Variants in PTPN11 observed in about 807,000 individuals in gnomAD.
PTPN11 encodes protein tyrosine phosphatase non-receptor type 11.
In PTPN11, 6 loss-of-function variants were observed where a neutral mutation model predicts 78.8. The observed-to-expected ratio is 0.08, with a 90% CI of 0.04 to 0.15. PTPN11 has a LOEUF of 0.15. Ranked by LOEUF, PTPN11 falls within the 10% of genes least tolerant of loss-of-function variation. The pLI is 1.00. For synonymous variants in PTPN11, 221 were observed against 263.5 expected (o/e 0.84, Z 1.56); for missense variants, 386 against 744.8 (o/e 0.52, Z 5.61).
At chr12:112,446,184 T>C in intron 1 of PTPN11, 92 bp from the exon 2 acceptor site, 4 of 1,533,272 alleles carry the variant, frequency 2.6e-6, no homozygotes, top group Non-Finnish European at 1.8e-6. Context: ...AATTTTCTAC[T>C]CTGCTCATAA....
chr12:112,424,919 G>GTGTGT (rs2037586046), intron 1 of PTPN11, among the ~76,000 whole-genome samples: 1 of 141,830 alleles, frequency 7.1e-6, no homozygotes, highest in Non-Finnish European at 1.5e-5. Flanking sequence ...GTGTGTGTGT[G>GTGTGT]CTGGGACTGC....
chr12:112,444,107 C>T (rs182375018), intron 1 of PTPN11, among the ~76,000 whole-genome samples: 1 of 152,224 alleles, frequency 6.6e-6, no homozygotes, highest in East Asian at 1.9e-4. Context: ...TAAGTTTCAA[C>T]CTCAGGGGAG....
intron 9 of PTPN11, among the ~76,000 whole-genome samples, chr12:112,481,395 G>C: frequency 6.6e-6 from 1 of 152,132 alleles, no homozygotes; most frequent in East Asian, 1.9e-4. Flanking sequence ...ACCAAGCACC[G>C]ACTCTCCTTT....
intron 1 of PTPN11, among the ~76,000 whole-genome samples, chr12:112,432,029 A>G (rs2037721189): frequency 1.3e-5 from 2 of 152,194 alleles, no homozygotes; most frequent in Non-Finnish European, 2.9e-5. Flanking sequence ...AAGAAAAAAA[A>G]TCTAATAGGA....
intron 4 of PTPN11, among the ~76,000 whole-genome samples, chr12:112,453,806 T>C (rs2038114043): frequency 6.6e-6 from 1 of 151,988 alleles, no homozygotes; most frequent in Non-Finnish European, 1.5e-5. Context: ...TGTGCCACCA[T>C]GCCCAGCTAG....
intron 9 of PTPN11, among the ~76,000 whole-genome samples, chr12:112,481,783 C>T (rs934733088): frequency 1.5e-4 from 23 of 152,048 alleles, no homozygotes; most frequent in African/African-American, 5.1e-4. Flanking sequence ...TGAGCCACTG[C>T]GCCCCAGCTG....
At chr12:112,484,332 A>G (rs1592851564) in intron 10 of PTPN11, among the ~76,000 whole-genome samples, 1 of 152,218 alleles carries the variant, frequency 6.6e-6, no homozygotes, top group Admixed American at 6.5e-5. Context: ...TTTTTCTCCA[A>G]GGACACTTGG....
intron 13 of PTPN11, among the ~76,000 whole-genome samples, chr12:112,500,429 G>A (rs540121272): frequency 4.1e-4 from 62 of 152,080 alleles, no homozygotes; most frequent in Non-Finnish European, 7.6e-4. Flanking sequence ...GAAAATGGCT[G>A]TTCAAAAAAT....
At chr12:112,445,360 G>T (rs1868506458) in intron 1 of PTPN11, among the ~76,000 whole-genome samples, 1 of 152,174 alleles carries the variant, frequency 6.6e-6, no homozygotes, top group Non-Finnish European at 1.5e-5. Context: ...TTGAACTCCT[G>T]ACGTCAAGTG....
At position 112,482,307 on chromosome 12, in the gene PTPN11, C is replaced by T. The variant is rs1417190693; in HGVS notation, c.1224+102C>T. Reference sequence around the variant, plus strand: ...ATGTTTGCATACATGCATGCATTCGCTCACTCATTGATTCAGTAGCCATTT... The same window carrying T: ...ATGTTTGCATACATGCATGCATTCGTTCACTCATTGATTCAGTAGCCATTT... On this transcript the variant is annotated intron_variant, in intron 10 of 15. Transcript: ENST00000351677. The surrounding 1 kb of genome is among the most constrained non-coding windows in gnomAD (Gnocchi z 4.4). The T allele has an allele frequency of 1.5e-6, 2 of 1,350,944 alleles. No individual in the cohort carries two copies. Among genetic ancestry groups the T allele is most frequent in the South Asian group, 1.2e-5 (1 of 84,232 alleles). The allele number at this position is 1,350,944 out of a possible 1,614,324, so 83.7% of individuals were successfully genotyped here. A position where few individuals can be genotyped will look rare whatever the true frequency, so the allele number is the denominator to read the frequency against.
At position 112,432,515 on chromosome 12, in the gene PTPN11, A is replaced by G. The variant is rs144715252; in HGVS notation, c.14+13390A>G. ...ACCCTGTCTCTGCTAAAAACATACA[A>G]ACAATTAGCCAGGCATGGTGGCGGG... On this transcript the variant is annotated intron_variant, in intron 1 of 15. Coordinates refer to ENST00000351677, the MANE Select transcript of PTPN11 (RefSeq NM_002834.5). Among the ~76,000 whole-genome samples, 283 of 151,996 alleles carry G rather than the reference A, an allele frequency of 1.9e-3. 2 individuals are homozygous for G. The highest frequency in any genetic ancestry group is 2.5e-3 in the South Asian group (12 of 4,790).
chr12:112,476,316 T>C (rs1475150625), intron 7 of PTPN11, among the ~76,000 whole-genome samples: 1 of 152,202 alleles, frequency 6.6e-6, no homozygotes, highest in South Asian at 2.1e-4. Context: ...AAAAAGACAT[T>C]ATTCTTTTAA....
chr12:112,426,220 G>A (rs1447547191), intron 1 of PTPN11, among the ~76,000 whole-genome samples: 2 of 152,074 alleles, frequency 1.3e-5, no homozygotes, highest in Non-Finnish European at 2.9e-5. Flanking sequence ...TTCAGATTTC[G>A]GGTGTGATTT....
At position 112,419,057 on chromosome 12, in the gene PTPN11, C is replaced by T; in HGVS notation, c.-55C>T. On this transcript the variant is annotated 5_prime_UTR_variant, in exon 1 of 16. Transcript: ENST00000351677. ...CGGGCCAGCCCGATGTGACCGAGCC[C>T]AGCGGAGCCTGAGCAAGGAGCGGGT... is the stretch of plus-strand genomic sequence containing the variant. The T allele has an allele frequency of 6.5e-7, 1 of 1,534,488 alleles. No homozygotes were observed. Among genetic ancestry groups the T allele is most frequent in the South Asian group, 1.2e-5 (1 of 83,104 alleles).
At position 112,428,872 on chromosome 12, in the gene PTPN11, C is replaced by T. The variant is rs536860774; in HGVS notation, c.14+9747C>T. The T allele has an allele frequency of 1.4e-3, 218 of 153,146 alleles. 2 individuals are homozygous for T. Among genetic ancestry groups the T allele is most frequent in the African/African-American group, 4.6e-3 (191 of 41,572 alleles). The allele number at this position is 153,146 out of a possible 1,614,324, so 9.5% of individuals were successfully genotyped here. A position where few individuals can be genotyped will look rare whatever the true frequency, so the allele number is the denominator to read the frequency against. ...AAGCTATTCTCCTGCCTCAGCCTCC[C>T]GAGTAGCTGGGATTATAGACATGTG... On this transcript the variant is annotated intron_variant, in intron 1 of 15. Transcript: ENST00000351677.
intron 7 of PTPN11, 56 bp downstream of exon 7, chr12:112,473,096 C>A: frequency 7.3e-7 from 1 of 1,368,178 alleles, no homozygotes; most frequent in Non-Finnish European, 1.0e-6. Context: ...TGATTCCTAG[C>A]ACCTCTGTAC....
chr12:112,502,321 A>C, intron 14 of PTPN11, 65 bp downstream of exon 14: 3 of 1,302,806 alleles, frequency 2.3e-6, no homozygotes, highest in South Asian at 2.4e-5. Flanking sequence ...TTAAAAAACA[A>C]AAACAAAAAC....
intron 5 of PTPN11, among the ~76,000 whole-genome samples, chr12:112,455,232 CTTTTTTTTTTTT>C (rs997021901): frequency 8.6e-6 from 1 of 116,288 alleles, no homozygotes; most frequent in African/African-American, 3.2e-5. Context: ...TACAGAGGTT[CTTTTTTTTTTTT>C]TTTTTTTTTG....
At chr12:112,463,740 C>T (rs1481035803) in intron 6 of PTPN11, among the ~76,000 whole-genome samples, 1 of 152,138 alleles carries the variant, frequency 6.6e-6, no homozygotes, top group African/African-American at 2.4e-5. Flanking sequence ...AGGCTCTCCA[C>T]AGAGGTCAGA....
Sources: allele counts gnomAD v4.1 joint callset (sites outside exome capture counted in the v4.1 genomes callset), GRCh38; gene constraint gnomAD v4.1.1; non-coding constraint Gnocchi (gnomAD v3.1); transcripts MANE v1.5; gene names NCBI Gene and HGNC (gene_info 2026-07-23, HGNC 2026-07-21).